Variants in PLD5 observed in about 807,000 individuals in gnomAD.
PLD5 encodes the protein phospholipase D family member 5.
PLD5 carries 36 observed loss-of-function variants against 61.1 expected under a neutral mutation model. That is an observed-to-expected ratio of 0.59 (90% confidence interval 0.45 to 0.78). The LOEUF is 0.78. Among genes scored for constraint, PLD5 ranks in the 30% least tolerant of loss-of-function variants. The pLI is 0.00. For missense variants in PLD5, 515 were observed against 644.4 expected (o/e 0.80, Z 2.17); for synonymous variants, 243 against 242.8 (o/e 1.00, Z -0.01).
At chr1:242,176,330 T>G (rs1667142148) in intron 5 of PLD5, among the ~76,000 whole-genome samples, 1 of 152,126 alleles carries the variant, frequency 6.6e-6, no homozygotes, top group Non-Finnish European at 1.5e-5. Context: ...AAAGAAGCAA[T>G]GGGGAAAGGA....
rs375514233 is a variant in PLD5 at position 242,156,099 on chromosome 1, AT to A, written c.736-31435del. On this transcript the variant is annotated intron_variant, in intron 5 of 9. Coordinates refer to ENST00000536534, the MANE Select transcript of PLD5 (RefSeq NM_001372062.1). ...TTGTTGCATTGATCCCTTTACCATTATGTAATGCCCCTCTTTGTCTCTTTTG... is the reference window on the plus strand; with the variant it reads ...TTGTTGCATTGATCCCTTTACCATTAGTAATGCCCCTCTTTGTCTCTTTTG... Among the ~76,000 whole-genome samples the A allele has an allele frequency of 5.5e-4, 83 of 152,270 alleles. No individual in the cohort carries two copies. The East Asian group carries it at 0.015, about 27-fold the overall frequency.
chr1:242,400,698 A>C (rs919280887), intron 1 of PLD5, among the ~76,000 whole-genome samples: 2 of 152,118 alleles, frequency 1.3e-5, no homozygotes, highest in African/African-American at 4.8e-5. Flanking sequence ...CTCTGATTCC[A>C]AGTCCCGGGA....
intron 5 of PLD5, among the ~76,000 whole-genome samples, chr1:242,158,272 A>G (rs1284116116): frequency 6.6e-6 from 1 of 152,130 alleles, no homozygotes; most frequent in Non-Finnish European, 1.5e-5. Context: ...CCGCTGAACC[A>G]GACCACTTGG....
chr1:242,142,714 TTC>T (rs35627694), intron 5 of PLD5, among the ~76,000 whole-genome samples: 990 of 89,636 alleles, frequency 0.011, 11 homozygotes, highest in East Asian at 0.065. Flanking sequence ...AGCTGTGTCT[TTC>T]TCTCTCTCTC....
intron 1 of PLD5, among the ~76,000 whole-genome samples, chr1:242,514,731 T>C (rs942718580): frequency 3.9e-5 from 6 of 152,122 alleles, no homozygotes; most frequent in African/African-American, 1.4e-4. Context: ...AAGCTCTAAC[T>C]AGATACAGTG....
intron 1 of PLD5, among the ~76,000 whole-genome samples, chr1:242,440,004 G>C (rs1429909378): frequency 6.6e-6 from 1 of 152,048 alleles, no homozygotes; most frequent in Non-Finnish European, 1.5e-5. Context: ...CCCAGTGTTG[G>C]GTGTTCTTGT....
rs1665985505 is a variant in PLD5, at chr1:242,163,147, C to CTTCTT, written c.736-38483_736-38482insAAGAA. On this transcript the variant is annotated intron_variant, in intron 5 of 9. Coordinates refer to ENST00000536534, the MANE Select transcript of PLD5 (RefSeq NM_001372062.1). ...CAAGTCTTTTATTTTCTTTTCTTTT[C>CTTCTT]TTTCTTTTCTTGAGACGACGGAGTC... Among the ~76,000 whole-genome samples the CTTCTT allele has an allele frequency of 2.8e-5, 4 of 142,050 alleles. No individual in the cohort carries two copies. In the South Asian group the frequency reaches 8.8e-4, roughly 31 times the overall value. 93.2% of individuals were successfully genotyped at this position (142,050 alleles called of 152,430 possible). A position where few individuals can be genotyped will look rare whatever the true frequency, so the allele number is the denominator to read the frequency against.
intron 2 of PLD5, among the ~76,000 whole-genome samples, chr1:242,338,056 T>C (rs931807088): frequency 1.3e-5 from 2 of 152,210 alleles, no homozygotes; most frequent in African/African-American, 4.8e-5. Context: ...CTAAATTCTA[T>C]GGTTTTGGAA....
intron 5 of PLD5, among the ~76,000 whole-genome samples, chr1:242,175,501 G>C (rs1667080185): frequency 6.6e-6 from 1 of 152,146 alleles, no homozygotes; most frequent in South Asian, 2.1e-4. Flanking sequence ...CATCTGGAAT[G>C]GGCAAAAACT....
chr1:242,311,055 T>C (rs553280634), intron 2 of PLD5, among the ~76,000 whole-genome samples: 1 of 152,028 alleles, frequency 6.6e-6, no homozygotes, highest in African/African-American at 2.4e-5. Flanking sequence ...AAAAAAACCC[T>C]CAACAGCCTA....
At chr1:242,378,119 A>G (rs1341785838) in intron 1 of PLD5, among the ~76,000 whole-genome samples, 1 of 152,248 alleles carries the variant, frequency 6.6e-6, no homozygotes, top group Non-Finnish European at 1.5e-5. Context: ...AACAACTCAA[A>G]TTAGGAGATG....
At chr1:242,329,701 G>A (rs548483224) in intron 2 of PLD5, among the ~76,000 whole-genome samples, 1 of 152,274 alleles carries the variant, frequency 6.6e-6, no homozygotes, top group East Asian at 1.9e-4. Flanking sequence ...ATATCATCGG[G>A]GGAGTTTCTT....
intron 1 of PLD5, among the ~76,000 whole-genome samples, chr1:242,421,361 A>G (rs1262583071): frequency 6.6e-6 from 1 of 152,054 alleles, no homozygotes; most frequent in East Asian, 1.9e-4. Context: ...CCAGCATCGT[A>G]TTGTTCTAGG....
At chr1:242,295,102 A>G (rs1675577201) in intron 2 of PLD5, among the ~76,000 whole-genome samples, 1 of 152,054 alleles carries the variant, frequency 6.6e-6, no homozygotes, top group Non-Finnish European at 1.5e-5. Context: ...AAGTCAAGTG[A>G]TGGGGTTTTT....
At chr1:242,368,055 G>A (rs1029131373) in intron 1 of PLD5, among the ~76,000 whole-genome samples, 1 of 152,116 alleles carries the variant, frequency 6.6e-6, no homozygotes, top group African/African-American at 2.4e-5. Context: ...TCCACTGCCT[G>A]CATCAGCAAA....
intron 9 of PLD5, among the ~76,000 whole-genome samples, chr1:242,094,644 A>C (rs1446374040): frequency 1.3e-5 from 2 of 152,198 alleles, no homozygotes; most frequent in African/African-American, 4.8e-5. Context: ...ATTATGTGTA[A>C]AATTCACTCA....
chr1:242,326,088 G>T (rs917552687), intron 2 of PLD5, among the ~76,000 whole-genome samples: 1 of 151,902 alleles, frequency 6.6e-6, no homozygotes, highest in African/African-American at 2.4e-5. Flanking sequence ...TGTTGTCCAG[G>T]CTGGTCTTGA....
intron 5 of PLD5, among the ~76,000 whole-genome samples, chr1:242,141,746 G>A (rs1359670699): frequency 2.0e-5 from 3 of 152,116 alleles, no homozygotes; most frequent in Non-Finnish European, 4.4e-5. Flanking sequence ...TTTGGAGAAG[G>A]GAAGGGGAAA....
At chr1:242,213,877 C>G (rs1375091086) in intron 5 of PLD5, among the ~76,000 whole-genome samples, 1 of 149,792 alleles carries the variant, frequency 6.7e-6, no homozygotes, top group Non-Finnish European at 1.5e-5. Context: ...TTTTTTTGCT[C>G]ACATACCGGG....
Sources: gnomAD v4.1 joint callset for allele counts (sites outside exome capture counted in the v4.1 genomes callset) on GRCh38, gnomAD v4.1.1 for gene constraint, MANE v1.5 for transcripts, NCBI Gene and HGNC (gene_info 2026-07-23, HGNC 2026-07-21) for gene names.